Variants in MFN1 observed in about 807,000 individuals in gnomAD.
MFN1 encodes the protein mitofusin 1, also known as mitofusin-1.
Under a neutral mutation model 92.4 loss-of-function variants are expected in MFN1, and 65 were observed. That is an observed-to-expected ratio of 0.70 (90% CI 0.58 to 0.86). The LOEUF (loss-of-function observed/expected upper bound fraction) is 0.86. Among genes scored for constraint, MFN1 ranks in the 40% least tolerant of loss-of-function variants. The pLI is 0.00. For synonymous variants in MFN1, 297 were observed against 300.9 expected (o/e 0.99, Z 0.13); for missense variants, 781 against 868.0 (o/e 0.90, Z 1.26).
Position 179,378,323 on chromosome 3 carries a change from A to G in MFN1, c.1330-18A>G, listed in dbSNP as rs1439713853. 1.3e-6 allele frequency: 2 copies of G among 1,527,882 alleles called. No homozygotes were observed. Among genetic ancestry groups the G allele is most frequent in the Non-Finnish European group, 1.8e-6 (2 of 1,123,118 alleles). The allele number at this position is 1,527,882 out of a possible 1,614,324, so 94.6% of individuals were successfully genotyped here. A position where few individuals can be genotyped will look rare whatever the true frequency, so the allele number is the denominator to read the frequency against. On this transcript the variant is annotated intron_variant, in intron 12 of 17. Coordinates refer to ENST00000471841, the MANE Select transcript of MFN1 (RefSeq NM_033540.3). ...TTTCTGGAGAAAAAATAATATGGATATTTACCATTGTTAACAGGAATTAAA... is the reference window on the plus strand; with the variant it reads ...TTTCTGGAGAAAAAATAATATGGATGTTTACCATTGTTAACAGGAATTAAA...
At chr3:179,382,535 T>G (rs1204098829) in intron 14 of MFN1, among the ~76,000 whole-genome samples, 1 of 152,246 alleles carries the variant, frequency 6.6e-6, no homozygotes, top group Non-Finnish European at 1.5e-5. Context: ...TAAACATATG[T>G]GTGCATGTGT....
At chr3:179,350,200 G>A (rs1018415554) in intron 2 of MFN1, among the ~76,000 whole-genome samples, 1 of 152,024 alleles carries the variant, frequency 6.6e-6, no homozygotes, top group Non-Finnish European at 1.5e-5. Context: ...TGGAAAGGGA[G>A]GGATTCTGTA....
intron 12 of MFN1, chr3:179,378,109 A>G: frequency 2.0e-6 from 1 of 492,634 alleles, no homozygotes; most frequent in Non-Finnish European, 3.6e-6. Flanking sequence ...CTATAGTCCC[A>G]GTTACTCAGG....
At position 179,362,338 on chromosome 3, in the gene MFN1, T is replaced by A; in HGVS notation, c.412-20T>A. The A allele has an allele frequency of 6.4e-7, 1 of 1,556,454 alleles. No homozygotes were observed. The highest frequency in any genetic ancestry group is 8.7e-7 in the Non-Finnish European group (1 of 1,155,668). On this transcript the variant is annotated intron_variant, in intron 4 of 17. Coordinates refer to ENST00000471841, the MANE Select transcript of MFN1 (RefSeq NM_033540.3). ...TTTATTACAAGTGGAGTTTATTTTT[T>A]TCTTTTCCTCCTGCTTTAGACAGTT...
chr3:179,355,790 A>G (rs1367262996), intron 3 of MFN1, among the ~76,000 whole-genome samples: 1 of 152,128 alleles, frequency 6.6e-6, no homozygotes, highest in Non-Finnish European at 1.5e-5. Context: ...TGTCTCTACC[A>G]AAAATAGAAA....
At chr3:179,372,368 T>C (rs1713058236) in intron 9 of MFN1, among the ~76,000 whole-genome samples, 2 of 151,614 alleles carry the variant, frequency 1.3e-5, no homozygotes, top group Admixed American at 1.3e-4. Flanking sequence ...ATATATAAAT[T>C]TATATTATTA....
intron 16 of MFN1, among the ~76,000 whole-genome samples, 193 bp from the exon 17 acceptor site, chr3:179,389,811 A>G (rs1347252208): frequency 1.3e-5 from 2 of 152,134 alleles, no homozygotes; most frequent in African/African-American, 4.8e-5. Context: ...TAGCAGAGGT[A>G]ATATCGTCTC....
Position 179,354,199 on chromosome 3 carries a change from T to C in MFN1, c.248+2164T>C, listed in dbSNP as rs1712261684. 2.0e-5 allele frequency among the ~76,000 whole-genome samples: 3 copies of C among 152,310 alleles called. No individual in the cohort carries two copies. In the South Asian group the frequency reaches 6.2e-4, roughly 32 times the overall value. ...TCCTACTGAGAATGAGAAATAGGTA[T>C]AGCTTTGGATGTGAAAAAGGTCCAA... On this transcript the variant is annotated intron_variant, in intron 3 of 17. Transcript: ENST00000471841.
At position 179,359,151 on chromosome 3, in the gene MFN1, G is replaced by A. The variant is rs565029963; in HGVS notation, c.411+149G>A. On this transcript the variant is annotated intron_variant, in intron 4 of 17. Transcript: ENST00000471841. Reference sequence around the variant, plus strand: ...TCTTTTTTTTTTTAGACGGAATTTCGCTCTTGTCGCCCAGGCTGGAGTGCA... The same window carrying A: ...TCTTTTTTTTTTTAGACGGAATTTCACTCTTGTCGCCCAGGCTGGAGTGCA... 1.3e-3 allele frequency: 1,270 copies of A among 994,276 alleles called. 5 individuals carry two copies. Among genetic ancestry groups the A allele is most frequent in the Non-Finnish European group, 1.6e-3 (1,187 of 746,226 alleles). 61.6% of individuals were successfully genotyped at this position (994,276 alleles called of 1,614,324 possible).
At chr3:179,369,262 A>C (rs1256861202) in intron 9 of MFN1, among the ~76,000 whole-genome samples, 1 of 152,000 alleles carries the variant, frequency 6.6e-6, no homozygotes, top group Non-Finnish European at 1.5e-5. Context: ...TCCAGGCTGG[A>C]GTGCAGTTGG....
rs143654910 is a variant in MFN1, at chr3:179,386,505, A to G, written c.1888A>G (p.Arg630Gly). Residue 630 changes from arginine (R) to glycine (G), a missense_variant, in exon 16 of 18, where the codon AGA becomes GGA. Transcript: ENST00000471841. ...GTATGGAGCTTTGTATCTTTATGAA[A>G]GACTGAGCTGGACCACCCATGCCAA... ...TMYGALYLYERLSWTTHAKER... is the reference protein window; with the variant it reads ...TMYGALYLYEGLSWTTHAKER... The G allele has an allele frequency of 1.1e-3, 1,768 of 1,614,072 alleles. 1 individual carries two copies. The highest frequency in any genetic ancestry group is 1.4e-3 in the Non-Finnish European group (1,657 of 1,179,934).
At chr3:179,358,653 C>T (rs909165423) in intron 3 of MFN1, among the ~76,000 whole-genome samples, 187 bp from the exon 4 acceptor site, 7 of 152,148 alleles carry the variant, frequency 4.6e-5, no homozygotes, top group Non-Finnish European at 5.9e-5. Flanking sequence ...TCTTCTTGCA[C>T]TTTATTTTTT....
chr3:179,385,553 T>G lies in MFN1; in HGVS notation c.1663-16T>G. 1 of 1,416,044 alleles carries G rather than the reference T, an allele frequency of 7.1e-7. No individual in the cohort carries two copies. Among genetic ancestry groups the G allele is most frequent in the Non-Finnish European group, 9.2e-7 (1 of 1,090,028 alleles). 87.7% of individuals were successfully genotyped at this position (1,416,044 alleles called of 1,614,324 possible). A position where few individuals can be genotyped will look rare whatever the true frequency, so the allele number is the denominator to read the frequency against. On this transcript the variant is annotated splice_polypyrimidine_tract_variant and intron_variant, in intron 14 of 17. Coordinates refer to ENST00000471841, the MANE Select transcript of MFN1 (RefSeq NM_033540.3). ...TTTAAGTGTAATCTTTTTTCCTTTC[T>G]CTTTTTTTTTGGCAGCTCCCTAGAT...
chr3:179,369,129 C>T (rs1055180867), intron 9 of MFN1, among the ~76,000 whole-genome samples: 6 of 152,176 alleles, frequency 3.9e-5, no homozygotes, highest in Non-Finnish European at 7.4e-5. Flanking sequence ...CTATAGGATA[C>T]GTGAAGTCCC....
At chr3:179,352,080 C>G (rs374686474) in intron 3 of MFN1, 45 bp downstream of exon 3, 1 of 1,536,202 alleles carries the variant, frequency 6.5e-7, no homozygotes. Flanking sequence ...CAGGAATCAG[C>G]TTTGTGTCTG....
chr3:179,390,002 A>C lies in MFN1; in HGVS notation c.2013-2A>C. 1 of 1,595,130 alleles carries C rather than the reference A, an allele frequency of 6.3e-7. No individual in the cohort carries two copies. The highest frequency in any genetic ancestry group is 8.5e-7 in the Non-Finnish European group (1 of 1,175,086). ...TGACTGCTTCTAAATTTTTATTTTAAGACAAATAGCTACCACTTTTGCTCG... is the reference window on the plus strand; with the variant it reads ...TGACTGCTTCTAAATTTTTATTTTACGACAAATAGCTACCACTTTTGCTCG... On this transcript the variant is annotated splice_acceptor_variant, in intron 16 of 17. Coordinates refer to ENST00000471841, the MANE Select transcript of MFN1 (RefSeq NM_033540.3). LOFTEE classifies it high-confidence loss of function.
chr3:179,382,498 T>A (rs1178655771), intron 14 of MFN1, among the ~76,000 whole-genome samples: 1 of 152,242 alleles, frequency 6.6e-6, no homozygotes, highest in Non-Finnish European at 1.5e-5. Context: ...TGGTTCCAAG[T>A]CTTTGCTATT....
intron 14 of MFN1, 120 bp downstream of exon 14, chr3:179,378,934 G>C: frequency 2.6e-6 from 2 of 758,134 alleles, no homozygotes; most frequent in South Asian, 2.0e-5. Context: ...CTATCTCTTA[G>C]AGCCATTTCT....
chr3:179,359,210 T>C (rs866460541), intron 4 of MFN1, among the ~76,000 whole-genome samples: 3 of 152,078 alleles, frequency 2.0e-5, no homozygotes, highest in African/African-American at 2.4e-5. Context: ...AACCTCTGCC[T>C]CCCGGGTTCA....
Sources: allele counts gnomAD v4.1 joint callset (sites outside exome capture counted in the v4.1 genomes callset), GRCh38; gene constraint gnomAD v4.1.1; transcripts MANE v1.5; gene names NCBI Gene and HGNC (gene_info 2026-07-23, HGNC 2026-07-21).